Variants in CSRNP3 observed in about 807,000 individuals in gnomAD.
The protein encoded by CSRNP3 is cysteine/serine-rich nuclear protein 3.
In CSRNP3, 12 loss-of-function variants were observed where a neutral mutation model predicts 48.0. The observed-to-expected ratio is 0.25, with a 90% CI of 0.16 to 0.41. The LOEUF (loss-of-function observed/expected upper bound fraction) is 0.41, where lower values mean the gene tolerates loss of function less well. CSRNP3 is among the 10% of genes least tolerant of loss of function. CSRNP3 has a pLI of 1.00. For synonymous variants in CSRNP3, 263 were observed against 269.7 expected (o/e 0.98, Z 0.24); for missense variants, 580 against 724.4 (o/e 0.80, Z 2.29).
intron 4 of CSRNP3, among the ~76,000 whole-genome samples, chr2:165,605,037 C>G (rs1324244729): frequency 6.6e-6 from 1 of 152,182 alleles, no homozygotes; most frequent in Admixed American, 6.5e-5. Context: ...TATCACCATC[C>G]TCTTTCTCCT....
At chr2:165,634,619 A>C (rs1686597649) in intron 4 of CSRNP3, among the ~76,000 whole-genome samples, 1 of 152,230 alleles carries the variant, frequency 6.6e-6, no homozygotes, top group African/African-American at 2.4e-5. Flanking sequence ...AGCTTACGGA[A>C]GTTAAGGAAA....
At chr2:165,599,932 C>CT (rs10706848) in intron 4 of CSRNP3, among the ~76,000 whole-genome samples, 49 of 147,192 alleles carry the variant, frequency 3.3e-4, no homozygotes, top group African/African-American at 8.7e-4. Context: ...CATTGGGATT[C>CT]TTTTTTTTTT....
At chr2:165,630,015 A>G (rs1244131013) in intron 4 of CSRNP3, among the ~76,000 whole-genome samples, 1 of 152,138 alleles carries the variant, frequency 6.6e-6, no homozygotes, top group Non-Finnish European at 1.5e-5. Context: ...TTTTGTACTC[A>G]GGTGAATTTG....
Position 165,680,647 on chromosome 2 carries a change from A to T in CSRNP3, c.*894A>T, listed in dbSNP as rs1357816792. 6.6e-6 allele frequency: 1 copy of T among 152,458 alleles called. No individual in the cohort carries two copies. The highest frequency in any genetic ancestry group is 1.5e-5 in the Non-Finnish European group (1 of 68,008). 9.4% of individuals were successfully genotyped at this position (152,458 alleles called of 1,614,324 possible). On this transcript the variant is annotated 3_prime_UTR_variant, in exon 7 of 7. Transcript: ENST00000651982. ...ATGCACTTTAGTGCCCCTTCACGGTACCTCGTGTGGGGTGGGGACTGAGAA... is the reference window on the plus strand; with the variant it reads ...ATGCACTTTAGTGCCCCTTCACGGTTCCTCGTGTGGGGTGGGGACTGAGAA...
At chr2:165,518,036 C>T (rs996962874) in intron 3 of CSRNP3, 75 bp downstream of exon 3, 1 of 152,208 alleles carries the variant, frequency 6.6e-6, no homozygotes, top group Admixed American at 6.6e-5. Context: ...TTTCAAGTTT[C>T]TAATGTGTAA....
chr2:165,572,943 T>C (rs2105275506), intron 3 of CSRNP3, among the ~76,000 whole-genome samples: 1 of 152,290 alleles, frequency 6.6e-6, no homozygotes, highest in Middle Eastern at 3.4e-3. Flanking sequence ...ATTTTTCCAG[T>C]GTTAAAACAA....
At chr2:165,610,313 A>G (rs963517604) in intron 4 of CSRNP3, among the ~76,000 whole-genome samples, 3 of 152,176 alleles carry the variant, frequency 2.0e-5, no homozygotes, top group Non-Finnish European at 4.4e-5. Flanking sequence ...CGCAAACATA[A>G]CATTTTGCAT....
intron 3 of CSRNP3, among the ~76,000 whole-genome samples, chr2:165,563,928 C>T (rs900105453): frequency 2.0e-5 from 3 of 152,000 alleles, no homozygotes; most frequent in Non-Finnish European, 4.4e-5. Flanking sequence ...AAATCTCCCC[C>T]GCTCCCCCCA....
chr2:165,518,529 T>C (rs1299533707), intron 3 of CSRNP3, among the ~76,000 whole-genome samples: 1 of 151,924 alleles, frequency 6.6e-6, no homozygotes, highest in Non-Finnish European at 1.5e-5. Context: ...ATGATATAAC[T>C]GGAAAAGAAG....
chr2:165,474,303 G>T (rs1334690008), intron 1 of CSRNP3, among the ~76,000 whole-genome samples: 1 of 152,026 alleles, frequency 6.6e-6, no homozygotes, highest in African/African-American at 2.4e-5. Flanking sequence ...TCACAGGCAA[G>T]ATTATAGTGT....
intron 3 of CSRNP3, among the ~76,000 whole-genome samples, chr2:165,543,008 T>C (rs1684978913): frequency 6.6e-6 from 1 of 152,186 alleles, no homozygotes; most frequent in African/African-American, 2.4e-5. Context: ...AGCAAGTAGT[T>C]GGCTCTTATT....
intron 3 of CSRNP3, among the ~76,000 whole-genome samples, chr2:165,565,061 A>T: frequency 6.6e-6 from 1 of 152,078 alleles, no homozygotes; most frequent in Admixed American, 6.6e-5. Context: ...TGTCTCAGCT[A>T]TCATAATTGC....
At chr2:165,515,338 C>CATATAT (rs60927595) in intron 2 of CSRNP3, among the ~76,000 whole-genome samples, 5,078 of 142,232 alleles carry the variant, frequency 0.036, 181 homozygotes, top group African/African-American at 0.083. Flanking sequence ...AAAAAAAATA[C>CATATAT]ATATATATAT....
At chr2:165,506,451 G>A (rs1174363266) in intron 2 of CSRNP3, among the ~76,000 whole-genome samples, 1 of 152,000 alleles carries the variant, frequency 6.6e-6, no homozygotes, top group Non-Finnish European at 1.5e-5. Context: ...TATATCTAGT[G>A]GCTGCCACAT....
At chr2:165,500,118 G>A (rs1684337066) in intron 2 of CSRNP3, among the ~76,000 whole-genome samples, 2 of 150,546 alleles carry the variant, frequency 1.3e-5, no homozygotes, top group Admixed American at 1.3e-4. Context: ...CAACATGCAA[G>A]CTGGTAAAGA....
chr2:165,666,217 CAG>C (rs757884506), intron 5 of CSRNP3, among the ~76,000 whole-genome samples: 570 of 43,944 alleles, frequency 0.013, 3 homozygotes, highest in Admixed American at 0.019. Context: ...GAAAGAAAGA[CAG>C]AGAGGAAGGA....
chr2:165,501,286 A>G (rs1456925547), intron 2 of CSRNP3, among the ~76,000 whole-genome samples: 1 of 152,170 alleles, frequency 6.6e-6, no homozygotes, highest in Non-Finnish European at 1.5e-5. Context: ...TGAGTAATTC[A>G]TGAACATTAA....
chr2:165,652,984 C>A (rs1376174589), intron 4 of CSRNP3, among the ~76,000 whole-genome samples: 1 of 152,190 alleles, frequency 6.6e-6, no homozygotes, highest in East Asian at 1.9e-4. Context: ...TTGGAAAGGG[C>A]ACAAATTACT....
At chr2:165,645,962 C>A (rs1254138918) in intron 4 of CSRNP3, among the ~76,000 whole-genome samples, 1 of 151,596 alleles carries the variant, frequency 6.6e-6, no homozygotes, top group Non-Finnish European at 1.5e-5. Flanking sequence ...CCAGGCTAGT[C>A]TCGAACTCCT....
Sources: allele counts gnomAD v4.1 joint callset (sites outside exome capture counted in the v4.1 genomes callset), GRCh38; gene constraint gnomAD v4.1.1; transcripts MANE v1.5; gene names NCBI Gene and HGNC (gene_info 2026-07-23, HGNC 2026-07-21).